CSMD1: variants seen among roughly 807,000 people sequenced by gnomAD.
CSMD1 encodes CUB and Sushi multiple domains 1.
CSMD1 carries 213 observed loss-of-function variants against 417.5 expected under a neutral mutation model. The ratio of observed to expected loss-of-function variants is 0.51; its 90% CI spans 0.46 to 0.57. CSMD1 has a LOEUF of 0.57. Ranked by LOEUF, CSMD1 falls within the 20% of genes least tolerant of loss-of-function variation. The pLI, the probability that CSMD1 is intolerant of heterozygous loss-of-function variation, is 0.00. For synonymous variants in CSMD1, 2,862 were observed against 1,736.8 expected (o/e 1.65, Z -16.11); for missense variants, 6,923 against 4,529.7 (o/e 1.53, Z -15.17).
chr8:4,643,914 G>C (rs1803357222), intron 1 of CSMD1, among the ~76,000 whole-genome samples: 1 of 152,324 alleles, frequency 6.6e-6, no homozygotes, highest in East Asian at 1.9e-4. Context: ...TTGAAAGCCT[G>C]ATGATTCTCA....
At chr8:4,003,594 C>A (rs2261759) in intron 4 of CSMD1, among the ~76,000 whole-genome samples, 56,968 of 151,906 alleles carry the variant, frequency 0.38, 10,747 homozygotes, top group East Asian at 0.47. Context: ...CAAATTAAAA[C>A]AACACTGAAA....
chr8:4,038,155 T>C (rs1308196902), intron 3 of CSMD1, among the ~76,000 whole-genome samples: 1 of 152,208 alleles, frequency 6.6e-6, no homozygotes, highest in African/African-American at 2.4e-5. Flanking sequence ...CACAAAGTTA[T>C]AAATTTATGA....
chr8:4,540,206 C>G (rs1797311645), intron 2 of CSMD1, among the ~76,000 whole-genome samples: 1 of 152,160 alleles, frequency 6.6e-6, no homozygotes, highest in South Asian at 2.1e-4. Flanking sequence ...CTGGGATTTG[C>G]TTTAAACTGC....
intron 3 of CSMD1, among the ~76,000 whole-genome samples, chr8:4,414,532 A>C (rs1027642154): frequency 6.6e-6 from 1 of 152,216 alleles, no homozygotes; most frequent in Non-Finnish European, 1.5e-5. Flanking sequence ...TGCATAGTTT[A>C]TAAGTAATAA....
chr8:4,985,621 T>C (rs144126103), intron 1 of CSMD1, among the ~76,000 whole-genome samples: 1 of 152,226 alleles, frequency 6.6e-6, no homozygotes, highest in Non-Finnish European at 1.5e-5. Flanking sequence ...CAGATCACAT[T>C]AATCAATAAA....
chr8:3,544,401 G>A (rs1005992928), intron 10 of CSMD1, among the ~76,000 whole-genome samples: 1 of 151,944 alleles, frequency 6.6e-6, no homozygotes, highest in South Asian at 2.1e-4. Context: ...TCCTATATAC[G>A]AACAAGCATT....
intron 36 of CSMD1, among the ~76,000 whole-genome samples, chr8:3,185,908 C>G (rs1257703751): frequency 6.6e-6 from 1 of 152,152 alleles, no homozygotes; most frequent in Non-Finnish European, 1.5e-5. Context: ...GAGAAACAGA[C>G]ACAGACTGCA....
chr8:4,854,891 T>C (rs926296787), intron 1 of CSMD1, among the ~76,000 whole-genome samples: 1 of 152,136 alleles, frequency 6.6e-6, no homozygotes, highest in Admixed American at 6.5e-5. Flanking sequence ...GCCAGGAAGC[T>C]CGAACTGGGT....
chr8:2,999,920 G>A (rs1422990286), intron 53 of CSMD1, 38 bp downstream of exon 53: 2 of 1,553,728 alleles, frequency 1.3e-6, no homozygotes, highest in Non-Finnish European at 1.8e-6. Flanking sequence ...GTGGCAAAAG[G>A]AAGCATCGAT....
At chr8:4,959,241 A>G (rs1418203762) in intron 1 of CSMD1, among the ~76,000 whole-genome samples, 1 of 152,204 alleles carries the variant, frequency 6.6e-6, no homozygotes, top group Non-Finnish European at 1.5e-5. Context: ...GTATTTTTAA[A>G]ATGGATTCTG....
At chr8:4,654,855 T>G (rs1304632691) in intron 1 of CSMD1, among the ~76,000 whole-genome samples, 1 of 152,112 alleles carries the variant, frequency 6.6e-6, no homozygotes, top group African/African-American at 2.4e-5. Flanking sequence ...AAATAATGAT[T>G]TATTTGGAAA....
At chr8:3,605,439 T>C (rs1004153104) in intron 8 of CSMD1, among the ~76,000 whole-genome samples, 8 of 152,180 alleles carry the variant, frequency 5.3e-5, no homozygotes, top group African/African-American at 1.9e-4. Flanking sequence ...ATAAAACCAA[T>C]GCAGCAATAC....
chr8:4,850,571 A>G (rs1323158739), intron 1 of CSMD1, among the ~76,000 whole-genome samples: 1 of 151,992 alleles, frequency 6.6e-6, no homozygotes, highest in African/African-American at 2.4e-5. Flanking sequence ...CCAGGACTTC[A>G]GCGAAGTAGA....
At chr8:3,459,641 G>A (rs974813722) in intron 12 of CSMD1, among the ~76,000 whole-genome samples, 5 of 152,074 alleles carry the variant, frequency 3.3e-5, no homozygotes, top group Admixed American at 2.6e-4. Flanking sequence ...ACTCCCGGAC[G>A]GTCCAGGGGA....
chr8:3,409,603 T>A lies in CSMD1; in HGVS notation c.1564A>T (p.Ile522Phe). 6.3e-7 allele frequency: 1 copy of A among 1,578,150 alleles called. No homozygotes were observed. Among genetic ancestry groups the A allele is most frequent in the South Asian group, 1.1e-5 (1 of 87,106 alleles). The change falls in exon 13 of 70, where the codon ATT (isoleucine) becomes TTT (phenylalanine). Residue 522 changes from isoleucine to phenylalanine, a missense_variant and splice_region_variant. By Grantham distance (21) the Ile-to-Phe change is conservative. Transcript: ENST00000635120. ...GGATCCCCACACCCTCCCTTTTCAATTTCTGAAAATGGAAAAACAAATGAA... is the reference window on the plus strand; with the variant it reads ...GGATCCCCACACCCTCCCTTTTCAAATTCTGAAAATGGAAAAACAAATGAA... The part of the protein sequence containing the change: ...SPGFKAVYQE[I>F]EKGGCGDPGI...
chr8:4,336,034 C>G (rs919506956), intron 3 of CSMD1, among the ~76,000 whole-genome samples: 1 of 152,140 alleles, frequency 6.6e-6, no homozygotes, highest in Non-Finnish European at 1.5e-5. Flanking sequence ...TTCTAGATTT[C>G]CAAACTTCCT....
chr8:4,870,443 G>C (rs1486744976), intron 1 of CSMD1, among the ~76,000 whole-genome samples: 2 of 152,120 alleles, frequency 1.3e-5, no homozygotes, highest in African/African-American at 2.4e-5. Context: ...TCCATAACTT[G>C]AATGCACTGA....
At chr8:4,025,036 C>G (rs1310880543) in intron 4 of CSMD1, among the ~76,000 whole-genome samples, 1 of 152,170 alleles carries the variant, frequency 6.6e-6, no homozygotes, top group Non-Finnish European at 1.5e-5. Context: ...TAGAATTAGG[C>G]AGCCGGGACA....
intron 2 of CSMD1, among the ~76,000 whole-genome samples, chr8:4,589,810 A>G (rs567298413): frequency 6.6e-6 from 1 of 152,372 alleles, no homozygotes; most frequent in South Asian, 2.1e-4. Flanking sequence ...GTCAAAGAGT[A>G]TCAAGAATAC....
Sources: allele counts gnomAD v4.1 joint callset (sites outside exome capture counted in the v4.1 genomes callset), GRCh38; gene constraint gnomAD v4.1.1; transcripts MANE v1.5; gene names NCBI Gene and HGNC (gene_info 2026-07-23, HGNC 2026-07-21).